Variants in TBC1D8 observed in about 807,000 individuals in gnomAD.
TBC1D8 encodes TBC1 domain family member 8.
A neutral mutation model predicts 118.8 loss-of-function variants in TBC1D8; 65 were observed. The ratio of observed to expected loss-of-function variants is 0.55; its 90% CI spans 0.45 to 0.67. TBC1D8 has a LOEUF of 0.67. TBC1D8 is among the 30% of genes least tolerant of loss of function. TBC1D8 has a pLI of 0.00. For missense variants in TBC1D8, 1,376 were observed against 1,471.2 expected, an observed-to-expected ratio of 0.94 and a Z score of 1.06; for synonymous variants, 566 against 595.8, an observed-to-expected ratio of 0.95 and a Z score of 0.73.
chr2:101,046,082 C>T (rs1002964206), intron 5 of TBC1D8, among the ~76,000 whole-genome samples: 1 of 152,194 alleles, frequency 6.6e-6, no homozygotes, highest in African/African-American at 2.4e-5. Flanking sequence ...GATCCACGTG[C>T]TTTTCCTCAA....
intron 5 of TBC1D8, among the ~76,000 whole-genome samples, chr2:101,047,253 C>T (rs376441549): frequency 6.6e-6 from 1 of 152,294 alleles, no homozygotes. Flanking sequence ...AATGCACCCC[C>T]TACCCTCCCT....
rs34465252 is a variant in TBC1D8, at chr2:101,054,672, C to CTTTTTTTTTTTTTTTTTTTTTT, written c.403-358_403-337dup. ...ACAAACAATCATTTTCTTTTCTTTT[C>CTTTTTTTTTTTTTTTTTTTTTT]TTTTTTTTTTTTTTTTTTTTTTTTT... On this transcript the variant is annotated intron_variant, in intron 3 of 19. Coordinates refer to ENST00000409318, the MANE Select transcript of TBC1D8 (RefSeq NM_001330348.2). 9.8e-4 allele frequency among the ~76,000 whole-genome samples: 25 copies of CTTTTTTTTTTTTTTTTTTTTTT among 25,428 alleles called. 2 individuals carry two copies. Among genetic ancestry groups the CTTTTTTTTTTTTTTTTTTTTTT allele is most frequent in the East Asian group, 6.2e-3 (4 of 650 alleles). 16.7% of individuals were successfully genotyped at this position (25,428 alleles called of 152,430 possible). A position where few individuals can be genotyped will look rare whatever the true frequency, so the allele number is the denominator to read the frequency against.
chr2:101,020,632 A>G (rs1274272924), intron 17 of TBC1D8, among the ~76,000 whole-genome samples: 3 of 152,236 alleles, frequency 2.0e-5, no homozygotes, highest in Non-Finnish European at 2.9e-5. Flanking sequence ...TGCCTAAGGT[A>G]TAAGATGCCA....
At position 101,129,688 on chromosome 2, in the gene TBC1D8, G is replaced by A. The variant is rs930420885; in HGVS notation, c.127+21439C>T. 7.2e-4 allele frequency among the ~76,000 whole-genome samples: 110 copies of A among 151,830 alleles called. 1 individual carries two copies. Among genetic ancestry groups the A allele is most frequent in the African/African-American group, 2.6e-3 (107 of 41,470 alleles). On this transcript the variant is annotated intron_variant, in intron 1 of 19. Coordinates refer to ENST00000409318, the MANE Select transcript of TBC1D8 (RefSeq NM_001330348.2). ...TGGGAGGCCGAGGCAGGCAGATCAC[G>A]AGGTCAGGAGATCGAGACCATCCTG...
rs754523164 is a variant in TBC1D8, at chr2:101,022,433, C to T, written c.2609G>A (p.Arg870His). 24 of 1,612,570 alleles carry T rather than the reference C, an allele frequency of 1.5e-5. No individual in the cohort carries two copies. The highest frequency in any genetic ancestry group is 8.9e-5 in the East Asian group (4 of 44,890). Residue 870 changes from arginine (R) to histidine (H), a missense_variant, in exon 16 of 20, where the codon CGC (arginine) becomes CAC (histidine). Arg to His is a conservative substitution (Grantham distance 29). Transcript: ENST00000409318. The part of the protein sequence containing the change: ...DPSRPYAEQY[R>H]IDARQFAHLF... ...GTGTGCAAACTGCCGGGCATCTATG[C>T]GGTACTGCTCAGCATAGGGCCGGCT... is the stretch of plus-strand genomic sequence containing the variant.
intron 2 of TBC1D8, among the ~76,000 whole-genome samples, chr2:101,075,857 A>T (rs1290629782): frequency 6.6e-6 from 1 of 152,208 alleles, no homozygotes; most frequent in African/African-American, 2.4e-5. Flanking sequence ...CCTGCAATTA[A>T]TTGAAACACA....
chr2:101,130,065 T>G (rs1574070647), intron 1 of TBC1D8, among the ~76,000 whole-genome samples: 1 of 152,258 alleles, frequency 6.6e-6, no homozygotes, highest in Middle Eastern at 3.4e-3. Context: ...GCAACGACGT[T>G]CATCCAGCCA....
chr2:101,142,664 C>T (rs1271426080), intron 1 of TBC1D8, among the ~76,000 whole-genome samples: 1 of 152,042 alleles, frequency 6.6e-6, no homozygotes, highest in Non-Finnish European at 1.5e-5. Flanking sequence ...CAGAAAAATA[C>T]ATAAAGCATG....
At chr2:101,017,540 G>A (rs1679746622) in intron 17 of TBC1D8, among the ~76,000 whole-genome samples, 1 of 152,142 alleles carries the variant, frequency 6.6e-6, no homozygotes, top group Non-Finnish European at 1.5e-5. Context: ...CATACATGCT[G>A]TCTATCCTTG....
At chr2:101,026,448 G>A (rs939943018) in intron 15 of TBC1D8, among the ~76,000 whole-genome samples, 8 of 152,218 alleles carry the variant, frequency 5.3e-5, no homozygotes, top group African/African-American at 1.9e-4. Context: ...CATTAGGAAT[G>A]AGGAGTGAGG....
At chr2:101,042,300 T>C (rs1248908356) in intron 5 of TBC1D8, among the ~76,000 whole-genome samples, 1 of 152,130 alleles carries the variant, frequency 6.6e-6, no homozygotes, top group Non-Finnish European at 1.5e-5. Flanking sequence ...AGTTATGTCA[T>C]ATTCCAAAAT....
chr2:101,089,401 C>G (rs574645493), intron 2 of TBC1D8, among the ~76,000 whole-genome samples: 1 of 150,960 alleles, frequency 6.6e-6, no homozygotes. Flanking sequence ...TTCTGGAAGA[C>G]GAGCATTTAT....
chr2:101,125,621 C>T (rs1280635410), intron 1 of TBC1D8, among the ~76,000 whole-genome samples: 6 of 152,142 alleles, frequency 3.9e-5, no homozygotes, highest in East Asian at 1.9e-4. Context: ...TCAGAAATAA[C>T]GCATGTTAGG....
chr2:101,076,167 T>C (rs1342239092), intron 2 of TBC1D8, among the ~76,000 whole-genome samples: 1 of 152,142 alleles, frequency 6.6e-6, no homozygotes, highest in Non-Finnish European at 1.5e-5. Flanking sequence ...TGTCTCAGGG[T>C]GACCAAATAG....
intron 17 of TBC1D8, among the ~76,000 whole-genome samples, chr2:101,011,873 A>G (rs1679241935): frequency 1.3e-5 from 2 of 152,244 alleles, no homozygotes; most frequent in South Asian, 4.1e-4. Context: ...AAATATATCC[A>G]TGCACACATA....
rs916822916 is a variant in TBC1D8, at chr2:101,029,987, G to C, written c.1937-211C>G. ...TTTTAAAAAAAATACTGCTTGATCA[G>C]CTGGAAAGTGGCATGGGGGAAATAA... On this transcript the variant is annotated intron_variant, in intron 11 of 19. Transcript: ENST00000409318. The C allele has an allele frequency of 6.1e-6, 3 of 495,062 alleles. No individual in the cohort carries two copies. The East Asian group carries it at 9.4e-5, about 16-fold the overall frequency. 30.7% of individuals were successfully genotyped at this position (495,062 alleles called of 1,614,324 possible).
At chr2:101,069,008 A>C (rs1041895299) in intron 2 of TBC1D8, among the ~76,000 whole-genome samples, 3 of 151,380 alleles carry the variant, frequency 2.0e-5, no homozygotes, top group African/African-American at 7.3e-5. Context: ...TTCAAGAAAA[A>C]AAAAAAAAAA....
chr2:101,010,203 A>G (rs552069433), intron 19 of TBC1D8, among the ~76,000 whole-genome samples: 1 of 152,286 alleles, frequency 6.6e-6, no homozygotes, highest in Non-Finnish European at 1.5e-5. Context: ...GAACCTGAAT[A>G]TGGCACAACC....
rs148356916 is a variant in TBC1D8 at position 101,010,073 on chromosome 2, G to T, written c.3015+856C>A. ...AATCTTCTGACCTCGTAATCCACCCGCCTCGGCCTCCCAAAGTGCTGGGAT... is the reference window on the plus strand; with the variant it reads ...AATCTTCTGACCTCGTAATCCACCCTCCTCGGCCTCCCAAAGTGCTGGGAT... On this transcript the variant is annotated intron_variant, in intron 19 of 19. Coordinates refer to ENST00000409318, the MANE Select transcript of TBC1D8 (RefSeq NM_001330348.2). Among the ~76,000 whole-genome samples the T allele has an allele frequency of 3.2e-4, 49 of 151,876 alleles. No individual in the cohort carries two copies. In the South Asian group the frequency reaches 8.1e-3, roughly 25 times the overall value.
Sources: gnomAD v4.1 joint callset for allele counts (sites outside exome capture counted in the v4.1 genomes callset) on GRCh38, gnomAD v4.1.1 for gene constraint, MANE v1.5 for transcripts, NCBI Gene and HGNC (gene_info 2026-07-23, HGNC 2026-07-21) for gene names.